TAFA1: variants seen among roughly 807,000 people sequenced by gnomAD.
TAFA1 encodes chemokine-like protein TAFA-1.
A neutral mutation model predicts 18.5 loss-of-function variants in TAFA1; 4 were observed. That is an observed-to-expected ratio of 0.22 (90% confidence interval 0.11 to 0.49). TAFA1 has a LOEUF of 0.49. Ranked by LOEUF, TAFA1 falls within the 20% of genes least tolerant of loss-of-function variation. The pLI is 0.98. For missense variants in TAFA1, 147 were observed against 169.0 expected (o/e 0.87, Z 0.72); for synonymous variants, 56 against 55.2 (o/e 1.01, Z -0.06).
rs569107744 is a variant in TAFA1, at chr3:68,175,183, G to A, written c.118+168439G>A. Reference sequence around the variant, plus strand: ...ATGTCCAGGCAGAAGTTTGCTGCAGGCGCAGGGCCCTCATGCAGAACCTCT... The same window carrying A: ...ATGTCCAGGCAGAAGTTTGCTGCAGACGCAGGGCCCTCATGCAGAACCTCT... On this transcript the variant is annotated intron_variant, in intron 2 of 4. Coordinates refer to ENST00000478136, the MANE Select transcript of TAFA1 (RefSeq NM_213609.4). Among the ~76,000 whole-genome samples the A allele has an allele frequency of 5.3e-5, 8 of 152,336 alleles. No homozygotes were observed. In the East Asian group the frequency reaches 1.5e-3, roughly 29 times the overall value.
At chr3:68,490,725 T>C (rs984934817) in intron 3 of TAFA1, among the ~76,000 whole-genome samples, 3 of 152,192 alleles carry the variant, frequency 2.0e-5, no homozygotes, top group Admixed American at 6.5e-5. Context: ...TATTGTTAAA[T>C]AAATTTTAAA....
intron 2 of TAFA1, among the ~76,000 whole-genome samples, chr3:68,244,136 T>C (rs1575701989): frequency 6.6e-6 from 1 of 152,224 alleles, no homozygotes; most frequent in African/African-American, 2.4e-5. Context: ...GGTTGGATTT[T>C]GAAAGATCTT....
intron 2 of TAFA1, among the ~76,000 whole-genome samples, chr3:68,272,740 T>C (rs1380488121): frequency 6.6e-6 from 1 of 152,156 alleles, no homozygotes; most frequent in East Asian, 1.9e-4. Context: ...TTTTCATACA[T>C]TGTAAGGACA....
At chr3:68,044,524 G>T (rs752417582) in intron 2 of TAFA1, among the ~76,000 whole-genome samples, 2 of 152,142 alleles carry the variant, frequency 1.3e-5, no homozygotes, top group Non-Finnish European at 2.9e-5. Context: ...TTTCCCTCTT[G>T]GCTGTTTCAC....
At chr3:67,994,287 A>G in the TAFA1 span, among the ~76,000 whole-genome samples, 22 of 152,324 alleles carry the variant, frequency 1.4e-4, no homozygotes, top group Non-Finnish European at 1.5e-4. Context: ...TGAGCTGGCA[A>G]TGAGGACACT....
intron 2 of TAFA1, among the ~76,000 whole-genome samples, chr3:68,343,464 G>A (rs2069117325): frequency 6.6e-6 from 1 of 152,200 alleles, no homozygotes; most frequent in Non-Finnish European, 1.5e-5. Flanking sequence ...TGTTATGTAT[G>A]ATAGTAGTCT....
Position 68,499,871 on chromosome 3 carries a change from T to A in TAFA1, c.260-38885T>A, listed in dbSNP as rs868409248. Among the ~76,000 whole-genome samples the A allele has an allele frequency of 3.8e-3, 572 of 151,540 alleles. 5 individuals are homozygous for A. Among genetic ancestry groups the A allele is most frequent in the African/African-American group, 0.013 (540 of 41,402 alleles). ...TTTTTTTTTCTTTTCCTTTTTTTTT[T>A]TTTTTTTAAGAAGCAGGAAGGAATT... On this transcript the variant is annotated intron_variant, in intron 3 of 4. Transcript: ENST00000478136.
Position 68,278,347 on chromosome 3 carries a change from A to G in TAFA1, c.119-138933A>G, listed in dbSNP as rs576514255. On this transcript the variant is annotated intron_variant, in intron 2 of 4. Transcript: ENST00000478136. Reference sequence around the variant, plus strand: ...AGTAGAACAAATAATATAAACTAAGAATCCCACTACCCGTCACCCAGCTTC... The same window carrying G: ...AGTAGAACAAATAATATAAACTAAGGATCCCACTACCCGTCACCCAGCTTC... Among the ~76,000 whole-genome samples the G allele has an allele frequency of 9.7e-4, 148 of 152,282 alleles. 1 individual carries two copies. The highest frequency in any genetic ancestry group is 6.8e-3 in the Middle Eastern group (2 of 294).
At chr3:68,130,246 A>C (rs548389756) in intron 2 of TAFA1, among the ~76,000 whole-genome samples, 1 of 152,314 alleles carries the variant, frequency 6.6e-6, no homozygotes, top group African/African-American at 2.4e-5. Flanking sequence ...TATTTTTTGA[A>C]TTACTTTTTA....
At chr3:68,444,771 A>AT (rs2071446055) in intron 3 of TAFA1, among the ~76,000 whole-genome samples, 1 of 127,268 alleles carries the variant, frequency 7.9e-6, no homozygotes, top group Non-Finnish European at 1.7e-5. Context: ...GTTTCTACAA[A>AT]ATATATATAT....
intron 2 of TAFA1, among the ~76,000 whole-genome samples, chr3:68,070,914 C>T (rs533418153): frequency 6.6e-6 from 1 of 152,340 alleles, no homozygotes; most frequent in East Asian, 1.9e-4. Flanking sequence ...TTGTCCATAT[C>T]ATTATCAGCA....
chr3:68,328,515 G>T (rs544766363), intron 2 of TAFA1, among the ~76,000 whole-genome samples: 1 of 152,292 alleles, frequency 6.6e-6, no homozygotes, highest in African/African-American at 2.4e-5. Flanking sequence ...AAGCATTTCA[G>T]CTGTTTTCTG....
At chr3:68,075,727 T>G (rs899027700) in intron 2 of TAFA1, among the ~76,000 whole-genome samples, 2 of 151,584 alleles carry the variant, frequency 1.3e-5, no homozygotes, top group Non-Finnish European at 1.5e-5. Context: ...GACAAGGTTT[T>G]GCTCTGTCAC....
intron 4 of TAFA1, among the ~76,000 whole-genome samples, chr3:68,539,679 G>GTGT (rs1316493591): frequency 0.51 from 23,954 of 47,354 alleles, 5,444 homozygotes; most frequent in Non-Finnish European, 0.61. Flanking sequence ...GTGTGTGTGT[G>GTGT]GGGGGGCATG....
intron 2 of TAFA1, among the ~76,000 whole-genome samples, chr3:68,337,721 C>T (rs1193696414): frequency 1.3e-5 from 2 of 152,264 alleles, no homozygotes; most frequent in East Asian, 3.9e-4. Context: ...TGTTTAAGTA[C>T]TGCATTTCTT....
chr3:68,360,073 A>G (rs571689479), intron 2 of TAFA1, among the ~76,000 whole-genome samples: 19 of 152,078 alleles, frequency 1.2e-4, no homozygotes, highest in Admixed American at 2.6e-4. Flanking sequence ...ATTTGCAGCT[A>G]TGATTGAAGT....
chr3:68,194,323 C>T lies in TAFA1; in HGVS notation c.118+187579C>T, dbSNP rs2066384438. On this transcript the variant is annotated intron_variant, in intron 2 of 4. Transcript: ENST00000478136. ...GCAGCATTTCTATCTACCTTGGTGG[C>T]TGAAGTATGATCAAATGGAAATCTA... is the stretch of plus-strand genomic sequence containing the variant. Among the ~76,000 whole-genome samples the T allele has an allele frequency of 2.0e-5, 3 of 151,788 alleles. No individual in the cohort carries two copies. The South Asian group carries it at 6.2e-4, about 31-fold the overall frequency.
intron 3 of TAFA1, among the ~76,000 whole-genome samples, chr3:68,531,637 G>T (rs983239904): frequency 5.3e-5 from 8 of 152,150 alleles, no homozygotes; most frequent in Non-Finnish European, 8.8e-5. Context: ...CTTAGAGCAC[G>T]TGCTTGAACC....
chr3:68,021,790 T>C (rs2106798006), intron 2 of TAFA1, among the ~76,000 whole-genome samples: 1 of 152,276 alleles, frequency 6.6e-6, no homozygotes. Flanking sequence ...GTAGCCTATA[T>C]AGTTAAAACC....
Sources: allele counts gnomAD v4.1 joint callset (sites outside exome capture counted in the v4.1 genomes callset), GRCh38; gene constraint gnomAD v4.1.1; transcripts MANE v1.5; gene names NCBI Gene and HGNC (gene_info 2026-07-23, HGNC 2026-07-21).